The following FAM227B variants were observed in gnomAD, a reference collection of about 807,000 sequenced individuals.
FAM227B encodes the protein family with sequence similarity 227 member B.
A neutral mutation model predicts 73.8 loss-of-function variants in FAM227B; 88 were observed. That is an observed-to-expected ratio of 1.19 (90% CI 1.00 to 1.42). FAM227B has a LOEUF of 1.42. Ranked by LOEUF, FAM227B falls within the 40% of genes most tolerant of loss-of-function variation. The pLI, the probability that FAM227B is intolerant of heterozygous loss-of-function variation, is 0.00. For missense variants in FAM227B, 632 were observed against 590.9 expected (o/e 1.07, Z -0.72); for synonymous variants, 210 against 190.5 (o/e 1.10, Z -0.84).
At chr15:49,437,771 A>G (rs2051242139) in intron 11 of FAM227B, among the ~76,000 whole-genome samples, 1 of 151,682 alleles carries the variant, frequency 6.6e-6, no homozygotes, top group Non-Finnish European at 1.5e-5. Context: ...GCAAGCACCC[A>G]CCATTGAAAA....
rs551139256 is a variant in FAM227B, at chr15:49,581,475, C to T, written c.406-3811G>A. Among the ~76,000 whole-genome samples the T allele has an allele frequency of 1.4e-3, 211 of 152,128 alleles. 2 individuals carry two copies. The highest frequency in any genetic ancestry group is 2.2e-3 in the Admixed American group (33 of 15,268). On this transcript the variant is annotated intron_variant, in intron 5 of 15. Transcript: ENST00000299338. ...AAGTAGCTGGAATTATGCACCACTGCGCCTGGCTAATTTTGTATTTTTAGT... is the reference window on the plus strand; with the variant it reads ...AAGTAGCTGGAATTATGCACCACTGTGCCTGGCTAATTTTGTATTTTTAGT...
rs1159837552 is a variant in FAM227B at position 49,509,558 on chromosome 15, C to T, written c.875-1210G>A. Among the ~76,000 whole-genome samples the T allele has an allele frequency of 2.0e-5, 3 of 148,348 alleles. No homozygotes were observed. In the East Asian group the frequency reaches 6.1e-4, roughly 30 times the overall value. ...AACATGGTGCCTGATCCCTAGTAAG[C>T]ACTTAATATAAGTTACTTTCACTGT... is the stretch of plus-strand genomic sequence containing the variant. On this transcript the variant is annotated intron_variant, in intron 10 of 15. Coordinates refer to ENST00000299338, the MANE Select transcript of FAM227B (RefSeq NM_152647.3).
intron 3 of FAM227B, among the ~76,000 whole-genome samples, chr15:49,590,585 T>C (rs1251982954): frequency 6.6e-6 from 1 of 152,178 alleles, no homozygotes; most frequent in Non-Finnish European, 1.5e-5. Flanking sequence ...TAAATATTTA[T>C]GATGTACAAT....
chr15:49,591,251 T>A (rs2076539823), intron 3 of FAM227B, among the ~76,000 whole-genome samples: 3 of 151,072 alleles, frequency 2.0e-5, no homozygotes, highest in Admixed American at 6.6e-5. Flanking sequence ...ATTTTTTGTA[T>A]TTTTAGTAGA....
intron 10 of FAM227B, among the ~76,000 whole-genome samples, chr15:49,518,530 C>T (rs369558041): frequency 5.0e-4 from 76 of 152,072 alleles, no homozygotes; most frequent in Non-Finnish European, 6.6e-4. Flanking sequence ...CTGGGGAGGC[C>T]GCACAATCAT....
At chr15:49,580,036 C>T (rs886729256) in intron 5 of FAM227B, among the ~76,000 whole-genome samples, 11 of 151,930 alleles carry the variant, frequency 7.2e-5, no homozygotes, top group African/African-American at 2.7e-4. Flanking sequence ...GTTGCAGTAA[C>T]AAAAAACATA....
chr15:49,384,071 G>A (rs960348457), intron 11 of FAM227B, among the ~76,000 whole-genome samples: 18 of 151,996 alleles, frequency 1.2e-4, no homozygotes, highest in Non-Finnish European at 1.8e-4. Context: ...ATTCCTCTTT[G>A]CCATGTTTTA....
chr15:49,379,119 CCATCCCTG>C (rs1431680591), intron 11 of FAM227B, among the ~76,000 whole-genome samples: 1 of 152,114 alleles, frequency 6.6e-6, no homozygotes, highest in Non-Finnish European at 1.5e-5. Context: ...ATATGTTGAA[CCATCCCTG>C]CATCCCTGGA....
intron 11 of FAM227B, chr15:49,396,532 C>T: frequency 6.2e-6 from 1 of 160,740 alleles, no homozygotes; most frequent in African/African-American, 2.4e-5. Context: ...GTAGGCTCCA[C>T]CTCTGGGGGC....
chr15:49,407,024 G>A (rs1427759677), intron 11 of FAM227B, among the ~76,000 whole-genome samples: 5 of 152,122 alleles, frequency 3.3e-5, no homozygotes, highest in East Asian at 1.9e-4. Flanking sequence ...GACTGGCCCC[G>A]TCTGATGGGC....
intron 9 of FAM227B, among the ~76,000 whole-genome samples, chr15:49,553,956 G>C (rs1330917089): frequency 6.6e-6 from 1 of 152,190 alleles, no homozygotes; most frequent in African/African-American, 2.4e-5. Flanking sequence ...CCTCAATGTA[G>C]TACTTGGGTA....
rs148608311 is a variant in FAM227B at position 49,601,588 on chromosome 15, C to T, written c.105+9627G>A. ...GGCATGCAATGCATAATAATCACGT[C>T]ATGAAAAATGGGGTAACCATCCCCT... On this transcript the variant is annotated intron_variant, in intron 3 of 15. Transcript: ENST00000299338. Among the ~76,000 whole-genome samples, 162 of 152,230 alleles carry T rather than the reference C, an allele frequency of 1.1e-3. 1 individual carries two copies. Among genetic ancestry groups the T allele is most frequent in the African/African-American group, 3.9e-3 (161 of 41,540 alleles).
intron 11 of FAM227B, among the ~76,000 whole-genome samples, chr15:49,427,328 A>G (rs796769114): frequency 5.3e-5 from 8 of 152,200 alleles, no homozygotes; most frequent in African/African-American, 1.9e-4. Flanking sequence ...TAAATGAATG[A>G]AAGAATGTTT....
At chr15:49,577,173 T>A in intron 6 of FAM227B, 1 of 283,276 alleles carries the variant, frequency 3.5e-6, no homozygotes, top group Non-Finnish European at 6.9e-6. Context: ...GGCACGTGCC[T>A]GTAATCACAG....
chr15:49,619,391 G>A (rs1435639778), intron 1 of FAM227B, among the ~76,000 whole-genome samples: 1 of 152,166 alleles, frequency 6.6e-6, no homozygotes, highest in Non-Finnish European at 1.5e-5. Context: ...GTCAGAAAAG[G>A]TCAGGCAATT....
intron 10 of FAM227B, among the ~76,000 whole-genome samples, chr15:49,534,710 A>G (rs1399735146): frequency 1.3e-5 from 2 of 151,850 alleles, no homozygotes; most frequent in Non-Finnish European, 2.9e-5. Context: ...GGCCACAAAA[A>G]AAATTTTAAC....
At chr15:49,560,387 C>A (rs1424377171) in intron 9 of FAM227B, among the ~76,000 whole-genome samples, 1 of 151,852 alleles carries the variant, frequency 6.6e-6, no homozygotes, top group Non-Finnish European at 1.5e-5. Context: ...GTAAAGCAAC[C>A]AAACCTATGA....
chr15:49,473,469 T>C (rs1005316051), intron 11 of FAM227B, among the ~76,000 whole-genome samples: 6 of 152,140 alleles, frequency 3.9e-5, no homozygotes, highest in African/African-American at 1.4e-4. Context: ...ATAATTTTCT[T>C]CAGATCACTA....
chr15:49,359,746 C>A (rs1362120345), intron 13 of FAM227B, among the ~76,000 whole-genome samples: 2 of 136,720 alleles, frequency 1.5e-5, no homozygotes, highest in Non-Finnish European at 3.2e-5. Context: ...TGGGTATATA[C>A]CCAAAGGACT....
Sources: allele counts gnomAD v4.1 joint callset (sites outside exome capture counted in the v4.1 genomes callset), GRCh38; gene constraint gnomAD v4.1.1; transcripts MANE v1.5; gene names NCBI Gene and HGNC (gene_info 2026-07-23, HGNC 2026-07-21).